The following VPS53 variants were observed in gnomAD, a reference collection of about 807,000 sequenced individuals.
VPS53 encodes the protein vacuolar protein sorting-associated protein 53 homolog.
In VPS53, 70 loss-of-function variants were observed where a neutral mutation model predicts 107.0. The ratio of observed to expected loss-of-function variants is 0.65; its 90% CI spans 0.54 to 0.80. The LOEUF (loss-of-function observed/expected upper bound fraction) is 0.80. Ranked by LOEUF, VPS53 falls within the 30% of genes least tolerant of loss-of-function variation. The pLI, the probability that VPS53 is intolerant of heterozygous loss-of-function variation, is 0.00. For synonymous variants in VPS53, 409 were observed against 393.3 expected (o/e 1.04, Z -0.47); for missense variants, 917 against 1,049.4 (o/e 0.87, Z 1.74).
chr17:703,501 G>A (rs2143964645), intron 2 of VPS53, among the ~76,000 whole-genome samples: 1 of 152,330 alleles, frequency 6.6e-6, no homozygotes, highest in East Asian at 1.9e-4. Context: ...GCCTCTCCTG[G>A]AGTTGGGGAA....
chr17:545,382 C>A (rs963175780), intron 17 of VPS53, among the ~76,000 whole-genome samples: 2 of 152,210 alleles, frequency 1.3e-5, no homozygotes, highest in Non-Finnish European at 2.9e-5. Context: ...CAGGATGCCA[C>A]CTGCTGAAGT....
At chr17:665,001 A>G (rs1971620533) in intron 4 of VPS53, among the ~76,000 whole-genome samples, 1 of 152,116 alleles carries the variant, frequency 6.6e-6, no homozygotes, top group South Asian at 2.1e-4. Context: ...TCCCATCTGC[A>G]ATACGTTACG....
At position 625,599 on chromosome 17, in the gene VPS53, T is replaced by C. The variant is rs192957238; in HGVS notation, c.974+1575A>G. On this transcript the variant is annotated intron_variant, in intron 10 of 21. Coordinates refer to ENST00000437048, the MANE Select transcript of VPS53 (RefSeq NM_001128159.3). ...GTGTAGTTTCATGAGCTGTGATAAA[T>C]GCATCGCTCTGGCGGAAGGTGCCGA... is the stretch of plus-strand genomic sequence containing the variant. 3.9e-4 allele frequency among the ~76,000 whole-genome samples: 60 copies of C among 152,172 alleles called. 1 individual carries two copies. Among genetic ancestry groups the C allele is most frequent in the African/African-American group, 1.4e-3 (57 of 41,500 alleles).
intron 13 of VPS53, among the ~76,000 whole-genome samples, chr17:574,353 T>C (rs1296663990): frequency 6.6e-6 from 1 of 152,160 alleles, no homozygotes; most frequent in African/African-American, 2.4e-5. Flanking sequence ...GTATACTTTG[T>C]ATAAATCAAG....
chr17:696,105 A>C (rs963149806), intron 4 of VPS53, among the ~76,000 whole-genome samples: 1 of 152,228 alleles, frequency 6.6e-6, no homozygotes, highest in African/African-American at 2.4e-5. Context: ...CCAGAAAACC[A>C]GAACAGTTTT....
intron 13 of VPS53, among the ~76,000 whole-genome samples, chr17:572,571 T>C (rs932261655): frequency 1.3e-4 from 19 of 151,510 alleles, no homozygotes; most frequent in African/African-American, 2.2e-4. Flanking sequence ...ACAATGGCGG[T>C]TTTGTGGAAT....
At chr17:526,977 C>G (rs770646541) in intron 19 of VPS53, among the ~76,000 whole-genome samples, 2 of 152,206 alleles carry the variant, frequency 1.3e-5, no homozygotes, top group Admixed American at 6.5e-5. Context: ...TGAGGTGGCA[C>G]AGGGGAGACA....
rs1908417055 is a variant in VPS53, at chr17:517,803, GAGCCACCACAC to G, written c.*1314_*1324del. On this transcript the variant is annotated 3_prime_UTR_variant, in exon 22 of 22. Coordinates refer to ENST00000437048, the MANE Select transcript of VPS53 (RefSeq NM_001128159.3). The stretch of plus-strand genomic sequence containing the variant: ...CCCAAAGTGCTGTGATTACAGGCAT[GAGCCACCACAC>G]CCAGCCAATTTTTTGTATTTTTGGT... The G allele has an allele frequency of 5.6e-6, 1 of 177,376 alleles. No homozygotes were observed. The highest frequency in any genetic ancestry group is 2.4e-5 in the African/African-American group (1 of 42,480). 11.0% of individuals were successfully genotyped at this position (177,376 alleles called of 1,614,324 possible).
At chr17:671,915 C>CTGACCTCA (rs1323113102) in intron 4 of VPS53, among the ~76,000 whole-genome samples, 3 of 152,070 alleles carry the variant, frequency 2.0e-5, no homozygotes, top group Admixed American at 6.6e-5. Context: ...TCTCCATCTC[C>CTGACCTCA]TGACCTCATG....
At chr17:663,985 G>C (rs1971577131) in intron 4 of VPS53, among the ~76,000 whole-genome samples, 1 of 152,198 alleles carries the variant, frequency 6.6e-6, no homozygotes, top group South Asian at 2.1e-4. Flanking sequence ...ATGAGAATAA[G>C]GGAGATGGTG....
At chr17:643,319 C>A (rs1970528510) in intron 7 of VPS53, among the ~76,000 whole-genome samples, 1 of 133,072 alleles carries the variant, frequency 7.5e-6, no homozygotes, top group Non-Finnish European at 1.7e-5. Flanking sequence ...AAACCGAGGA[C>A]AACACTCATA....
At position 535,708 on chromosome 17, in the gene VPS53, C is replaced by T. The variant is rs532054795; in HGVS notation, c.2015+1320G>A. Among the ~76,000 whole-genome samples the T allele has an allele frequency of 1.1e-3, 167 of 152,318 alleles. 1 individual carries two copies. Among genetic ancestry groups the T allele is most frequent in the African/African-American group, 3.7e-3 (155 of 41,578 alleles). On this transcript the variant is annotated intron_variant, in intron 18 of 21. Transcript: ENST00000437048. ...TGATTTATCAGCAACATTTCTAACACACTAATGAGCACCCAGAGAGTGAGG... is the reference window on the plus strand; with the variant it reads ...TGATTTATCAGCAACATTTCTAACATACTAATGAGCACCCAGAGAGTGAGG...
intron 5 of VPS53, among the ~76,000 whole-genome samples, 175 bp downstream of exon 5, chr17:661,634 A>T (rs1226036743): frequency 6.6e-6 from 1 of 152,192 alleles, no homozygotes; most frequent in African/African-American, 2.4e-5. Flanking sequence ...ACCACTGACC[A>T]GCAGCTCCCC....
At chr17:623,991 C>T (rs1011779327) in intron 10 of VPS53, among the ~76,000 whole-genome samples, 1 of 151,446 alleles carries the variant, frequency 6.6e-6, no homozygotes, top group Admixed American at 6.6e-5. Flanking sequence ...CAGGCTGGAA[C>T]CTCCACCTCC....
chr17:627,958 G>A (rs1329253740), intron 9 of VPS53, 130 bp downstream of exon 9: 1 of 891,862 alleles, frequency 1.1e-6, no homozygotes, highest in African/African-American at 1.7e-5. Context: ...TCAGCCCCTA[G>A]GACTCACAGC....
intron 15 of VPS53, among the ~76,000 whole-genome samples, chr17:554,682 A>T (rs886844414): frequency 3.9e-5 from 6 of 152,188 alleles, no homozygotes; most frequent in African/African-American, 1.4e-4. Flanking sequence ...AGTAGCTGGG[A>T]CTACAGCTGG....
In VPS53 at chr17:547,289, C is replaced by T. The variant is rs114240759; in HGVS notation, c.1866+4583G>A. Among the ~76,000 whole-genome samples the T allele has an allele frequency of 3.3e-3, 498 of 152,266 alleles. 3 individuals are homozygous for T. The highest frequency in any genetic ancestry group is 0.011 in the African/African-American group (465 of 41,554). On this transcript the variant is annotated intron_variant, in intron 17 of 21. Coordinates refer to ENST00000437048, the MANE Select transcript of VPS53 (RefSeq NM_001128159.3). ...AGAAATAACTCAAACGTCCAATAGA[C>T]GAATGAATAAACAAAATGTGGTCTA... is the stretch of plus-strand genomic sequence containing the variant.
intron 13 of VPS53, among the ~76,000 whole-genome samples, chr17:584,435 G>A (rs1014954942): frequency 6.6e-6 from 1 of 152,198 alleles, no homozygotes; most frequent in African/African-American, 2.4e-5. Context: ...TAAAAACAGG[G>A]TGGGAGGGAA....
chr17:598,243 G>A (rs1567662237), intron 12 of VPS53, among the ~76,000 whole-genome samples: 1 of 152,192 alleles, frequency 6.6e-6, no homozygotes, highest in Non-Finnish European at 1.5e-5. Flanking sequence ...GATTGCAGAC[G>A]GAGTCTCGTT....
Sources: gnomAD v4.1 joint callset for allele counts (sites outside exome capture counted in the v4.1 genomes callset) on GRCh38, gnomAD v4.1.1 for gene constraint, MANE v1.5 for transcripts, NCBI Gene and HGNC (gene_info 2026-07-23, HGNC 2026-07-21) for gene names.